The following ZNF875 variants were observed in gnomAD, a reference collection of about 807,000 sequenced individuals.
The protein encoded by ZNF875 is zinc finger protein 875.
In ZNF875, 14 loss-of-function variants were observed where a neutral mutation model predicts 11.2. The observed-to-expected ratio is 1.26, with a 90% CI of 0.83 to 1.96. The LOEUF (loss-of-function observed/expected upper bound fraction) is 1.96, where lower values mean the gene tolerates loss of function less well. Among genes scored for constraint, ZNF875 ranks in the 30% most tolerant of loss-of-function variants. ZNF875 has a pLI of 0.00. For missense variants in ZNF875, 752 were observed against 760.4 expected (o/e 0.99, Z 0.13); for synonymous variants, 301 against 281.1 (o/e 1.07, Z -0.71).
upstream of ZNF875, among the ~76,000 whole-genome samples, chr19:37,313,657 T>C (rs1391245411): frequency 6.6e-6 from 1 of 152,134 alleles, no homozygotes; most frequent in Non-Finnish European, 1.5e-5. Flanking sequence ...GATTCCAGGA[T>C]GTATAGAACC....
intron 4 of ZNF875, chr19:37,357,855 A>C (rs1216968793): frequency 7.6e-6 from 3 of 397,112 alleles, no homozygotes; most frequent in Non-Finnish European, 1.3e-5. Context: ...TCCTATTTGG[A>C]TGCCTTTTAT....
rs141972535 is a variant in ZNF875, at chr19:37,324,053, T to C, written c.-660-155T>C. ...TAACAGTTTAAAATTGTTGAGCTTG[T>C]GGGTAGGTATTTGGGAGATAGTATG... On this transcript the variant is annotated intron_variant, in intron 3 of 5. Transcript: ENST00000544914. Among the ~76,000 whole-genome samples the C allele has an allele frequency of 8.9e-3, 1,356 of 152,332 alleles. 19 individuals carry two copies. Among genetic ancestry groups the C allele is most frequent in the African/African-American group, 0.031 (1,283 of 41,590 alleles).
At chr19:37,323,013 C>T (rs1237344748) in intron 2 of ZNF875, among the ~76,000 whole-genome samples, 5 of 151,980 alleles carry the variant, frequency 3.3e-5, no homozygotes, top group Non-Finnish European at 7.4e-5. Context: ...GTGGAAACCC[C>T]GCCCTGAGTT....
chr19:37,361,109 C>CTT (rs772368148), intron 4 of ZNF875, among the ~76,000 whole-genome samples: 126 of 115,802 alleles, frequency 1.1e-3, no homozygotes, highest in Non-Finnish European at 1.5e-3. Flanking sequence ...TTGTCTTCTC[C>CTT]TTTTTTTTTT....
At chr19:37,344,112 G>T (rs1044395686) in intron 2 of ZNF875, among the ~76,000 whole-genome samples, 1 of 152,086 alleles carries the variant, frequency 6.6e-6, no homozygotes, top group Non-Finnish European at 1.5e-5. Flanking sequence ...GCCCCATAAG[G>T]TAAGTACTAT....
upstream of ZNF875, among the ~76,000 whole-genome samples, chr19:37,331,354 C>T (rs1422326958): frequency 6.6e-6 from 1 of 151,438 alleles, no homozygotes; most frequent in Non-Finnish European, 1.5e-5. Context: ...CTCACCCTCC[C>T]AAGTAGCTGG....
chr19:37,356,416 A>G (rs1006736913), intron 4 of ZNF875, among the ~76,000 whole-genome samples: 1 of 152,048 alleles, frequency 6.6e-6, no homozygotes, highest in Non-Finnish European at 1.5e-5. Flanking sequence ...GTGCATCCTC[A>G]CTAACATCTG....
intron 2 of ZNF875, among the ~76,000 whole-genome samples, chr19:37,343,021 G>A (rs28402338): frequency 0.21 from 31,731 of 152,064 alleles, 3,530 homozygotes; most frequent in South Asian, 0.31. Flanking sequence ...TCACTTCTGT[G>A]TACCAACTTA....
intron 2 of ZNF875, among the ~76,000 whole-genome samples, chr19:37,343,628 A>G (rs577456979): frequency 6.6e-6 from 1 of 152,044 alleles, no homozygotes; most frequent in East Asian, 1.9e-4. Context: ...GGTTATTCAC[A>G]TGGTGGTCTC....
Position 37,362,451 on chromosome 19 carries a change from C to T in ZNF875, c.599C>T (p.Ser200Phe). 6.2e-7 allele frequency: 1 copy of T among 1,614,134 alleles called. No homozygotes were observed. The highest frequency in any genetic ancestry group is 8.5e-7 in the Non-Finnish European group (1 of 1,180,022). Reference protein sequence around the residue: ...KEDNTVVDIGSSPERRADLEE... With the variant: ...KEDNTVVDIGFSPERRADLEE... Reference sequence around the variant, plus strand: ...GACAACACAGTGGTGGATATAGGGTCCAGCCCTGAACGGAGGGCAGATCTA... The same window carrying T: ...GACAACACAGTGGTGGATATAGGGTTCAGCCCTGAACGGAGGGCAGATCTA... The change falls in exon 5 of 5, where the codon TCC (serine) becomes TTC (phenylalanine). Residue 200 changes from serine to phenylalanine, a missense_variant. Ser to Phe is a radical substitution (Grantham distance 155). Transcript: ENST00000392153.
intron 4 of ZNF875, 41 bp downstream of exon 4, chr19:37,347,913 T>C: frequency 8.5e-7 from 1 of 1,174,890 alleles, no homozygotes; most frequent in Non-Finnish European, 1.3e-6. Flanking sequence ...ATCCACAGCT[T>C]GGCAGATAGG....
rs548241305 is a variant in ZNF875, at chr19:37,319,293, G to A, written c.-747+1107G>A. Among the ~76,000 whole-genome samples, 3 of 145,784 alleles carry A rather than the reference G, an allele frequency of 2.1e-5. No homozygotes were observed. The East Asian group carries it at 6.1e-4, about 30-fold the overall frequency. The stretch of plus-strand genomic sequence containing the variant: ...ACTCCCGAGCTTGGGTGATCCGCCC[G>A]CCTGGGCCTCCCAAAGTGCTGGGAT... On this transcript the variant is annotated intron_variant, in intron 1 of 5. Coordinates refer to the ZNF875 transcript ENST00000544914.
chr19:37,326,040 G>A (rs2032377655), intron 4 of ZNF875, among the ~76,000 whole-genome samples: 1 of 151,956 alleles, frequency 6.6e-6, no homozygotes. Flanking sequence ...ATGAGGTCTT[G>A]CTATGTTGCC....
upstream of ZNF875, among the ~76,000 whole-genome samples, chr19:37,334,259 G>A (rs751452198): frequency 3.9e-5 from 6 of 152,314 alleles, no homozygotes; most frequent in South Asian, 1.0e-3. Context: ...AGCCGCGTCT[G>A]TCCCGACCTG....
upstream of ZNF875, among the ~76,000 whole-genome samples, chr19:37,314,099 TA>T (rs937829149): frequency 5.9e-5 from 9 of 152,030 alleles, no homozygotes; most frequent in African/African-American, 2.2e-4. Flanking sequence ...CTTTGTTTTC[TA>T]AAAAAAATTC....
chr19:37,356,322 TC>T (rs2038902714), intron 4 of ZNF875, among the ~76,000 whole-genome samples: 1 of 152,216 alleles, frequency 6.6e-6, no homozygotes, highest in South Asian at 2.1e-4. Context: ...TATTTTTAGT[TC>T]CTTGAGAAAT....
chr19:37,348,291 A>G (rs578197332), intron 4 of ZNF875, among the ~76,000 whole-genome samples: 1 of 152,316 alleles, frequency 6.6e-6, no homozygotes, highest in African/African-American at 2.4e-5. Context: ...GCTATGACTA[A>G]TAATAAAATA....
chr19:37,350,841 G>A (rs929259998), intron 4 of ZNF875, among the ~76,000 whole-genome samples: 3 of 23,656 alleles, frequency 1.3e-4, no homozygotes, highest in Non-Finnish European at 2.4e-4. Context: ...TTTTGTTCTT[G>A]TCCCCCAGGC....
At chr19:37,357,517 T>C (rs1450484488) in intron 4 of ZNF875, among the ~76,000 whole-genome samples, 3 of 152,232 alleles carry the variant, frequency 2.0e-5, no homozygotes, top group African/African-American at 7.2e-5. Flanking sequence ...CATCAGTGTT[T>C]TGTAGTTCTC....
Sources: gnomAD v4.1 joint callset for allele counts (sites outside exome capture counted in the v4.1 genomes callset) on GRCh38, gnomAD v4.1.1 for gene constraint, MANE v1.5 for transcripts, NCBI Gene and HGNC (gene_info 2026-07-23, HGNC 2026-07-21) for gene names.